Variants in NRG1 observed in about 807,000 individuals in gnomAD.
The protein encoded by NRG1 is pro-neuregulin-1, membrane-bound isoform.
In NRG1, 18 loss-of-function variants were observed where a neutral mutation model predicts 63.8. That is an observed-to-expected ratio of 0.28 (90% CI 0.19 to 0.42). NRG1 has a LOEUF of 0.42. Among genes scored for constraint, NRG1 ranks in the 10% least tolerant of loss-of-function variants. NRG1 has a pLI of 1.00. For missense variants in NRG1, 762 were observed against 814.7 expected (o/e 0.94, Z 0.79); for synonymous variants, 302 against 301.3 (o/e 1.00, Z -0.02).
At chr8:32,421,452 C>G (rs182782358) in intron 1 of NRG1, among the ~76,000 whole-genome samples, 2,549 of 152,188 alleles carry the variant, frequency 0.017, 60 homozygotes, top group African/African-American at 0.058. Context: ...AATTGCTGGG[C>G]AGCTAGAGCT....
downstream of NRG1, among the ~76,000 whole-genome samples, chr8:32,768,406 A>T (rs1227116633): frequency 2.0e-5 from 3 of 152,238 alleles, no homozygotes; most frequent in African/African-American, 7.2e-5. Flanking sequence ...GTGGCCTAAA[A>T]GGCAGCCAGT....
chr8:31,875,167 A>C (rs1488967320), intron 1 of NRG1, among the ~76,000 whole-genome samples: 2 of 152,130 alleles, frequency 1.3e-5, no homozygotes, highest in African/African-American at 2.4e-5. Flanking sequence ...CTTTTAGGGC[A>C]TCCCTTTATC....
chr8:32,604,927 G>C (rs1845012057), intron 2 of NRG1, among the ~76,000 whole-genome samples: 1 of 152,074 alleles, frequency 6.6e-6, no homozygotes. Flanking sequence ...ATAAAACTAT[G>C]TGATAATGTT....
At chr8:31,797,244 C>G (rs1440550450) in intron 1 of NRG1, among the ~76,000 whole-genome samples, 1 of 152,138 alleles carries the variant, frequency 6.6e-6, no homozygotes, top group Admixed American at 6.5e-5. Context: ...GAACTAAGAG[C>G]ATTGGAGGAT....
chr8:31,879,039 T>C (rs950892510), intron 1 of NRG1, among the ~76,000 whole-genome samples: 1 of 151,574 alleles, frequency 6.6e-6, no homozygotes, highest in African/African-American at 2.4e-5. Flanking sequence ...GGAAGTGGCA[T>C]CCCATTATCT....
intron 1 of NRG1, among the ~76,000 whole-genome samples, chr8:32,439,911 A>G (rs4733333): frequency 0.97 from 147,741 of 151,768 alleles, 72,044 homozygotes; most frequent in East Asian, 1. Context: ...CCAGTAGCTG[A>G]GACCACAGGT....
intron 1 of NRG1, among the ~76,000 whole-genome samples, chr8:31,939,498 A>G (rs1436711381): frequency 6.6e-6 from 1 of 151,690 alleles, no homozygotes; most frequent in African/African-American, 2.4e-5. Flanking sequence ...TAATAATAAC[A>G]CAATGAAAAA....
intron 1 of NRG1, among the ~76,000 whole-genome samples, chr8:31,853,834 T>A (rs2129609444): frequency 6.6e-6 from 1 of 152,220 alleles, no homozygotes; most frequent in Non-Finnish European, 1.5e-5. Flanking sequence ...GTTGTTGAAT[T>A]TTGTCAAAGG....
At chr8:31,900,572 CA>C (rs763093909) in intron 1 of NRG1, among the ~76,000 whole-genome samples, 6 of 152,250 alleles carry the variant, frequency 3.9e-5, no homozygotes, top group Admixed American at 2.6e-4. Flanking sequence ...GAGTCTTTAT[CA>C]GCCATGATCA....
chr8:32,500,848 T>C (rs1378430810), intron 1 of NRG1, among the ~76,000 whole-genome samples: 1 of 152,236 alleles, frequency 6.6e-6, no homozygotes, highest in Admixed American at 6.5e-5. Flanking sequence ...AAATTATAAT[T>C]GTTTTTTATC....
chr8:32,081,555 G>T (rs968020645), intron 1 of NRG1, among the ~76,000 whole-genome samples: 1 of 152,130 alleles, frequency 6.6e-6, no homozygotes, highest in African/African-American at 2.4e-5. Context: ...AGAGATTAAA[G>T]AAGTAAACAG....
intron 11 of NRG1, chr8:32,760,990 C>A: frequency 5.1e-6 from 5 of 985,956 alleles, no homozygotes; most frequent in Non-Finnish European, 6.0e-6. Flanking sequence ...TTGGATGCTG[C>A]GTCTGGCAGT....
intron 1 of NRG1, among the ~76,000 whole-genome samples, chr8:31,741,315 G>C (rs1163613587): frequency 1.3e-5 from 2 of 151,804 alleles, no homozygotes; most frequent in Non-Finnish European, 2.9e-5. Context: ...GCTCAGTATA[G>C]TGCAATATAC....
intron 1 of NRG1, among the ~76,000 whole-genome samples, chr8:32,001,129 A>G (rs2129658584): frequency 6.6e-6 from 1 of 152,160 alleles, no homozygotes; most frequent in South Asian, 2.1e-4. Flanking sequence ...ACAATAAGTG[A>G]GTAAATATGA....
intron 1 of NRG1, among the ~76,000 whole-genome samples, chr8:31,858,633 C>G (rs1828173675): frequency 6.6e-6 from 1 of 152,148 alleles, no homozygotes; most frequent in Non-Finnish European, 1.5e-5. Context: ...ATGGTCACTG[C>G]TTGGTGGTCT....
At chr8:32,417,692 G>A (rs1255885701) in intron 1 of NRG1, among the ~76,000 whole-genome samples, 1 of 149,678 alleles carries the variant, frequency 6.7e-6, no homozygotes, top group East Asian at 2.0e-4. Context: ...GAACCTGTTA[G>A]GATATTCTCA....
intron 1 of NRG1, among the ~76,000 whole-genome samples, chr8:32,274,296 C>T (rs1219919441): frequency 1.3e-5 from 2 of 152,198 alleles, no homozygotes; most frequent in Non-Finnish European, 2.9e-5. Flanking sequence ...GCACGTGCAA[C>T]TTTCCCTTGT....
At chr8:32,398,370 G>C (rs1022598218) in intron 1 of NRG1, among the ~76,000 whole-genome samples, 3 of 150,840 alleles carry the variant, frequency 2.0e-5, no homozygotes, top group Admixed American at 6.6e-5. Context: ...GCACTCATCA[G>C]TGCAGCTCTG....
At chr8:31,926,730 G>A (rs1465405753) in intron 1 of NRG1, among the ~76,000 whole-genome samples, 2 of 152,078 alleles carry the variant, frequency 1.3e-5, no homozygotes, top group South Asian at 2.1e-4. Context: ...AAACCCCAGG[G>A]CTTTTAGTTT....
Sources: allele counts gnomAD v4.1 joint callset (sites outside exome capture counted in the v4.1 genomes callset), GRCh38; gene constraint gnomAD v4.1.1; transcripts MANE v1.5; gene names NCBI Gene and HGNC (gene_info 2026-07-23, HGNC 2026-07-21).